Variants in AGK observed in about 807,000 individuals in gnomAD.
AGK encodes the protein acylglycerol kinase.
Under a neutral mutation model 66.4 loss-of-function variants are expected in AGK, and 52 were observed. That is an observed-to-expected ratio of 0.78 (90% CI 0.63 to 0.99). AGK has a LOEUF of 0.99. AGK is among the 50% of genes least tolerant of loss of function. AGK has a pLI of 0.00. For missense variants in AGK, 451 were observed against 506.6 expected (o/e 0.89, Z 1.05); for synonymous variants, 182 against 181.1 (o/e 1.00, Z -0.04).
chr7:141,596,962 T>G, intron 4 of AGK: 3 of 228,204 alleles, frequency 1.3e-5, no homozygotes, highest in Non-Finnish European at 2.6e-5. Context: ...AGGCCATCTC[T>G]GTCCACAGGA....
intron 2 of AGK, among the ~76,000 whole-genome samples, chr7:141,577,352 C>T (rs1795766362): frequency 6.6e-6 from 1 of 152,210 alleles, no homozygotes; most frequent in Admixed American, 6.5e-5. Flanking sequence ...TTGCTTTCTA[C>T]AGATAATAAC....
chr7:141,552,531 T>C (rs902797393), intron 1 of AGK, among the ~76,000 whole-genome samples: 2 of 152,230 alleles, frequency 1.3e-5, no homozygotes, highest in African/African-American at 4.8e-5. Flanking sequence ...CCCAGGATTC[T>C]GTGTTTTTAA....
chr7:141,597,254 A>G (rs1310590847), intron 4 of AGK: 1 of 152,404 alleles, frequency 6.6e-6, no homozygotes, highest in African/African-American at 2.4e-5. Flanking sequence ...ACTTGGGTAT[A>G]TAATGATTTG....
intron 2 of AGK, among the ~76,000 whole-genome samples, chr7:141,569,849 G>A (rs142858730): frequency 6.6e-6 from 1 of 152,124 alleles, no homozygotes; most frequent in Admixed American, 6.5e-5. Context: ...ATGAAGAACT[G>A]TAAGCTGAGA....
intron 15 of AGK, chr7:141,652,304 G>A (rs187849864): frequency 4.9e-4 from 76 of 155,644 alleles, no homozygotes; most frequent in Admixed American, 1.2e-3. Flanking sequence ...TGATATTAAT[G>A]TTGATACACC....
chr7:141,613,216 G>A (rs1796633214), intron 6 of AGK, among the ~76,000 whole-genome samples: 1 of 152,130 alleles, frequency 6.6e-6, no homozygotes, highest in Non-Finnish European at 1.5e-5. Flanking sequence ...TTTACAAAAT[G>A]TTTTTAAAGA....
At chr7:141,632,326 C>T (rs1229729656) in intron 9 of AGK, among the ~76,000 whole-genome samples, 1 of 151,640 alleles carries the variant, frequency 6.6e-6, no homozygotes, top group Non-Finnish European at 1.5e-5. Flanking sequence ...TCTCTGCTTT[C>T]TACTATTTCT....
intron 4 of AGK, among the ~76,000 whole-genome samples, chr7:141,597,847 C>T (rs1215041757): frequency 1.1e-4 from 15 of 132,752 alleles, no homozygotes; most frequent in African/African-American, 2.7e-4. Context: ...GCCATGATCG[C>T]GCAACTGCAG....
chr7:141,628,664 GGT>G (rs1796992575), intron 9 of AGK, among the ~76,000 whole-genome samples: 2 of 152,190 alleles, frequency 1.3e-5, no homozygotes, highest in Non-Finnish European at 2.9e-5. Context: ...AGGAAGTCGA[GGT>G]GAGATTCGTA....
intron 1 of AGK, among the ~76,000 whole-genome samples, chr7:141,551,795 CA>C (rs1445084641): frequency 3.7e-4 from 57 of 152,114 alleles, no homozygotes; most frequent in Admixed American, 3.7e-3. Flanking sequence ...CCAATAGTAT[CA>C]GATCCATTGA....
chr7:141,621,321 C>T (rs1796819068), intron 8 of AGK, among the ~76,000 whole-genome samples: 1 of 152,166 alleles, frequency 6.6e-6, no homozygotes, highest in African/African-American at 2.4e-5. Context: ...ATAACTATAA[C>T]AAATTCTGCC....
At chr7:141,651,176 G>GGAAAA (rs1797547612) in intron 14 of AGK, among the ~76,000 whole-genome samples, 1 of 152,180 alleles carries the variant, frequency 6.6e-6, no homozygotes, top group South Asian at 2.1e-4. Context: ...CAGACGTTTA[G>GGAAAA]TACTTTTCCT....
At chr7:141,604,374 G>GTACA (rs1554400832) in intron 5 of AGK, among the ~76,000 whole-genome samples, 2 of 113,826 alleles carry the variant, frequency 1.8e-5, no homozygotes, top group African/African-American at 3.4e-5. Context: ...GTGTGTGTGT[G>GTACA]TATATATATA....
intron 2 of AGK, among the ~76,000 whole-genome samples, chr7:141,591,972 A>G (rs1434818023): frequency 6.6e-6 from 1 of 152,224 alleles, no homozygotes; most frequent in Non-Finnish European, 1.5e-5. Context: ...TTGCCTCATG[A>G]CAAAATTCTC....
chr7:141,651,476 G>C (rs1329621584), intron 14 of AGK, 49 bp from the exon 15 acceptor site: 3 of 1,517,412 alleles, frequency 2.0e-6, no homozygotes, highest in Non-Finnish European at 2.7e-6. Flanking sequence ...TTGCAACCTA[G>C]TGCAGTTGCC....
chr7:141,602,075 G>C (rs1173133883), intron 5 of AGK, among the ~76,000 whole-genome samples: 1 of 152,084 alleles, frequency 6.6e-6, no homozygotes, highest in African/African-American at 2.4e-5. Context: ...AGAGACCCAA[G>C]TATGGTTATG....
At chr7:141,611,579 A>G (rs1444674179) in intron 6 of AGK, among the ~76,000 whole-genome samples, 2 of 152,252 alleles carry the variant, frequency 1.3e-5, no homozygotes, top group African/African-American at 2.4e-5. Context: ...TAATCTTGTT[A>G]TATTTTGAAG....
chr7:141,586,177 A>T (rs1181996856), intron 2 of AGK, among the ~76,000 whole-genome samples: 1 of 152,114 alleles, frequency 6.6e-6, no homozygotes, highest in Non-Finnish European at 1.5e-5. Context: ...GCCTCTTTAG[A>T]GGGTACTTCT....
At position 141,596,631 on chromosome 7, in the gene AGK, G is replaced by A. The variant is rs1160321419; in HGVS notation, c.211G>A (p.Ala71Thr). 3.1e-6 allele frequency: 5 copies of A among 1,613,908 alleles called. No homozygotes were observed. Among genetic ancestry groups the A allele is most frequent in the Admixed American group, 1.7e-5 (1 of 60,004 alleles). ...GGCCACTGTTTTTCTCAATCCTGCA[G>A]CTTGCAAAGGGTAGTTCCGTTTGTG... Reference protein sequence around the residue: ...KKATVFLNPAACKGKARTLFE... With the variant: ...KKATVFLNPATCKGKARTLFE... The change falls in exon 4 of 16, where the codon GCT (alanine) becomes ACT (threonine). Residue 71 changes from alanine to threonine, a missense_variant. Transcript: ENST00000649286.
Sources: gnomAD v4.1 joint callset for allele counts (sites outside exome capture counted in the v4.1 genomes callset) on GRCh38, gnomAD v4.1.1 for gene constraint, MANE v1.5 for transcripts, NCBI Gene and HGNC (gene_info 2026-07-23, HGNC 2026-07-21) for gene names.